The following CYFIP2 variants were observed in gnomAD, a reference collection of about 807,000 sequenced individuals.
CYFIP2 encodes the protein cytoplasmic FMR1-interacting protein 2.
A neutral mutation model predicts 158.7 loss-of-function variants in CYFIP2; 29 were observed. The ratio of observed to expected loss-of-function variants is 0.18; its 90% CI spans 0.14 to 0.25. CYFIP2 has a LOEUF of 0.25. Ranked by LOEUF, CYFIP2 falls within the 10% of genes least tolerant of loss-of-function variation. CYFIP2 has a pLI of 1.00. For synonymous variants in CYFIP2, 585 were observed against 617.6 expected (o/e 0.95, Z 0.78); for missense variants, 852 against 1,639.5 (o/e 0.52, Z 8.29).
chr5:157,304,493 T>A, intron 8 of CYFIP2, 127 bp downstream of exon 8: 1 of 1,093,516 alleles, frequency 9.1e-7, no homozygotes, highest in Non-Finnish European at 1.3e-6. Flanking sequence ...TTACGGCACA[T>A]AATGGTTTGT....
At chr5:157,381,757 A>G (rs1412253283) in intron 26 of CYFIP2, among the ~76,000 whole-genome samples, 1 of 152,178 alleles carries the variant, frequency 6.6e-6, no homozygotes, top group Non-Finnish European at 1.5e-5. Context: ...GGGGTAGAAG[A>G]AGGCAAGGAC....
chr5:157,336,214 T>C (rs1009778680), intron 21 of CYFIP2, among the ~76,000 whole-genome samples: 2 of 152,062 alleles, frequency 1.3e-5, no homozygotes, highest in Non-Finnish European at 1.5e-5. Context: ...TTGGGAGAGG[T>C]TGCAAAGATT....
At chr5:157,333,489 T>G in intron 21 of CYFIP2, 43 bp downstream of exon 21, 1 of 1,613,600 alleles carries the variant, frequency 6.2e-7, no homozygotes, top group East Asian at 2.2e-5. Flanking sequence ...CTGTGATTTC[T>G]CAGACTAGAA....
At chr5:157,298,511 T>A (rs1581002537) in intron 5 of CYFIP2, among the ~76,000 whole-genome samples, 1 of 2,002 alleles carries the variant, frequency 5.0e-4, no homozygotes, top group African/African-American at 1.6e-3. Context: ...ACTTTTGTAT[T>A]TTTTTTTTTT....
intron 7 of CYFIP2, chr5:157,303,100 G>C: frequency 2.0e-6 from 1 of 511,274 alleles, no homozygotes. Context: ...TGTCATGCTC[G>C]TGAAGCCCTC....
intron 3 of CYFIP2, 92 bp from the exon 4 acceptor site, chr5:157,294,691 G>A (rs943526158): frequency 4.7e-5 from 48 of 1,018,932 alleles, no homozygotes; most frequent in Non-Finnish European, 6.8e-5. Flanking sequence ...TGGGTCCATG[G>A]ACCATACCAT....
intron 23 of CYFIP2, among the ~76,000 whole-genome samples, chr5:157,350,784 TG>T (rs1293557193): frequency 6.6e-6 from 1 of 152,262 alleles, no homozygotes; most frequent in Non-Finnish European, 1.5e-5. Flanking sequence ...TCCATTTGTT[TG>T]TGTCATCTAT....
chr5:157,356,187 G>T (rs996566191), intron 23 of CYFIP2, among the ~76,000 whole-genome samples: 1 of 152,146 alleles, frequency 6.6e-6, no homozygotes, highest in African/African-American at 2.4e-5. Flanking sequence ...AACAGATCCA[G>T]TGTTTGGTGA....
chr5:157,366,296 G>T (rs1192963357), intron 26 of CYFIP2, among the ~76,000 whole-genome samples: 1 of 152,132 alleles, frequency 6.6e-6, no homozygotes, highest in Non-Finnish European at 1.5e-5. Flanking sequence ...TTATGGATTT[G>T]TGGCCATTAT....
chr5:157,281,613 A>G (rs1448886277), intron 1 of CYFIP2, among the ~76,000 whole-genome samples: 2 of 152,212 alleles, frequency 1.3e-5, no homozygotes, highest in Admixed American at 1.3e-4. Flanking sequence ...TTGGAATAAT[A>G]GTCCCTTTCT....
intron 23 of CYFIP2, among the ~76,000 whole-genome samples, chr5:157,355,991 G>A (rs1447247744): frequency 6.6e-6 from 1 of 152,222 alleles, no homozygotes; most frequent in East Asian, 1.9e-4. Context: ...GGTGAATTAA[G>A]CTATGACATA....
rs933397671 is a variant in CYFIP2 at position 157,323,027 on chromosome 5, G to T, written c.1672-894G>T. 2.0e-6 allele frequency: 3 copies of T among 1,535,944 alleles called. No individual in the cohort carries two copies. In the South Asian group the frequency reaches 3.6e-5, roughly 18 times the overall value. On this transcript the variant is annotated intron_variant, in intron 15 of 30. Coordinates refer to ENST00000620254, the MANE Select transcript of CYFIP2 (RefSeq NM_001037333.3). ...GGCTGCCGATCCCTGGTATCACACC[G>T]CCTGGCTGGGTTGGTTTGGGTACCC...
intron 1 of CYFIP2, among the ~76,000 whole-genome samples, chr5:157,279,185 T>A (rs1338516793): frequency 6.6e-6 from 1 of 152,178 alleles, no homozygotes; most frequent in African/African-American, 2.4e-5. Context: ...AAATAAACAT[T>A]GAGGACAGGC....
rs777561125 is a variant in CYFIP2, at chr5:157,311,646, C to T, written c.993-18C>T. Reference sequence around the variant, plus strand: ...CCTGAGGCTGGGACCCTCTCCGACCCCATAATTTTCTACCCAGGTGGACGT... The same window carrying T: ...CCTGAGGCTGGGACCCTCTCCGACCTCATAATTTTCTACCCAGGTGGACGT... On this transcript the variant is annotated intron_variant, in intron 10 of 30. Transcript: ENST00000620254. The surrounding 1 kb of genome is among the most constrained non-coding windows in gnomAD (Gnocchi z 4.7). 26 of 1,590,044 alleles carry T rather than the reference C, an allele frequency of 1.6e-5. No individual in the cohort carries two copies. The African/African-American group carries it at 3.2e-4, about 20-fold the overall frequency.
At chr5:157,291,523 A>G (rs1208110543) in intron 3 of CYFIP2, among the ~76,000 whole-genome samples, 1 of 152,178 alleles carries the variant, frequency 6.6e-6, no homozygotes, top group Non-Finnish European at 1.5e-5. Flanking sequence ...TTAAACATTC[A>G]CTGAATGCAT....
At chr5:157,338,803 G>T (rs73306204) in intron 21 of CYFIP2, among the ~76,000 whole-genome samples, 1 of 152,152 alleles carries the variant, frequency 6.6e-6, no homozygotes, top group East Asian at 1.9e-4. Context: ...GGGGGTAGGC[G>T]TGCAACCTCC....
intron 28 of CYFIP2, chr5:157,384,599 C>T (rs1214903625): frequency 2.3e-6 from 1 of 431,216 alleles, no homozygotes. Flanking sequence ...GCCACCCCAG[C>T]CCGGCCCCCG....
intron 23 of CYFIP2, among the ~76,000 whole-genome samples, chr5:157,351,002 C>A (rs1763030295): frequency 6.6e-6 from 1 of 152,146 alleles, no homozygotes; most frequent in Non-Finnish European, 1.5e-5. Context: ...CAAACAGTGA[C>A]AGTTTGATTT....
At chr5:157,278,137 TTTA>T (rs1367081486) in intron 1 of CYFIP2, among the ~76,000 whole-genome samples, 3 of 151,704 alleles carry the variant, frequency 2.0e-5, no homozygotes. Context: ...CTCCCTTTTA[TTTA>T]TTTTTATATT....
Sources: gnomAD v4.1 joint callset for allele counts (sites outside exome capture counted in the v4.1 genomes callset) on GRCh38, gnomAD v4.1.1 for gene constraint, Gnocchi (gnomAD v3.1) non-coding constraint, MANE v1.5 for transcripts, NCBI Gene and HGNC (gene_info 2026-07-23, HGNC 2026-07-21) for gene names.